The following SCAP variants were observed in gnomAD, a reference collection of about 807,000 sequenced individuals.
The protein encoded by SCAP is sterol regulatory element-binding protein cleavage-activating protein.
A neutral mutation model predicts 123.6 loss-of-function variants in SCAP; 65 were observed. The observed-to-expected ratio is 0.53, with a 90% CI of 0.43 to 0.65. The LOEUF (loss-of-function observed/expected upper bound fraction) is 0.65. Ranked by LOEUF, SCAP falls within the 30% of genes least tolerant of loss-of-function variation. The pLI, the probability that SCAP is intolerant of heterozygous loss-of-function variation, is 0.00. For missense variants in SCAP, 1,398 were observed against 1,712.5 expected, an observed-to-expected ratio of 0.82 and a Z score of 3.24; for synonymous variants, 740 against 726.3, an observed-to-expected ratio of 1.02 and a Z score of -0.30.
Position 47,420,602 on chromosome 3 carries a change from A to G in SCAP, c.1515T>C (p.Arg505=). 1 of 1,611,746 alleles carries G rather than the reference A, an allele frequency of 6.2e-7. No homozygotes were observed. Among genetic ancestry groups the G allele is most frequent in the Non-Finnish European group, 8.5e-7 (1 of 1,179,724 alleles). The part of the protein sequence containing the change: ...FRNLRLPKRL[R]VVYFLARTRL... Reference sequence around the variant, plus strand: ...GGGTGCGGGCCAGGAAGTAGACAACACGCAGCCTCTTGGGGAGCCGCAGGT... The same window carrying G: ...GGGTGCGGGCCAGGAAGTAGACAACGCGCAGCCTCTTGGGGAGCCGCAGGT... The change falls in exon 12 of 23, where the codon CGT becomes CGC. Residue 505 remains arginine (R), a synonymous_variant. Coordinates refer to ENST00000265565, the MANE Select transcript of SCAP (RefSeq NM_012235.4). This position sits in a 1 kb window ranked among gnomAD's most constrained non-coding sequence, Gnocchi z 5.0.
chr3:47,420,897 G>A lies in SCAP; in HGVS notation c.1344+34C>T, dbSNP rs1301184521. ...CTCCCTCAGTACAGCCAGGGCTGAG[G>A]AGGCGGGCAGGGCAGGGCTCAGCCC... On this transcript the variant is annotated intron_variant, in intron 11 of 22. Transcript: ENST00000265565. This position sits in a 1 kb window ranked among gnomAD's most constrained non-coding sequence, Gnocchi z 5.0. 8.7e-6 allele frequency: 14 copies of A among 1,600,770 alleles called. No homozygotes were observed. Among genetic ancestry groups the A allele is most frequent in the Admixed American group, 1.7e-5 (1 of 60,008 alleles).
chr3:47,418,971 G>T, intron 13 of SCAP, 128 bp from the exon 14 acceptor site: 5 of 1,042,786 alleles, frequency 4.8e-6, no homozygotes, highest in Non-Finnish European at 6.7e-6. Flanking sequence ...CTCCCAGCAT[G>T]GGGGGTTGGG....
intron 3 of SCAP, chr3:47,434,786 G>A (rs1464289877): frequency 2.0e-5 from 9 of 447,456 alleles, no homozygotes; most frequent in Middle Eastern, 6.3e-4. Context: ...GCAGTGAGCC[G>A]AGATTGTGCC....
chr3:47,435,119 G>C lies in SCAP; in HGVS notation c.141C>G (p.Leu47=), dbSNP rs775068085. The change falls in exon 3 of 23, where the codon CTC becomes CTG. Residue 47 remains leucine (L), a synonymous_variant. Transcript: ENST00000265565. The part of the protein sequence containing the change: ...ILACCYPLLK[L]PLPGTGPVEF... ...CCACAGGTCCTGTTCCTGGCAAGGG[G>C]AGTTTCAGCAGTGGGTAGCTGGGAT... is the stretch of plus-strand genomic sequence containing the variant. 26 of 1,613,852 alleles carry C rather than the reference G, an allele frequency of 1.6e-5. No individual in the cohort carries two copies. The highest frequency in any genetic ancestry group is 2.2e-5 in the Non-Finnish European group (26 of 1,179,920).
rs904154525 is a variant in SCAP at position 47,439,908 on chromosome 3, T to G, written c.122+2964A>C. On this transcript the variant is annotated intron_variant, in intron 2 of 22. Transcript: ENST00000265565. The surrounding 1 kb of genome is among the most constrained non-coding windows in gnomAD (Gnocchi z 4.0). Reference sequence around the variant, plus strand: ...GCTCAGAGAAGAAAGTCACACATCCTCAGTGCTGTTTGGGGTGAGCCTGAT... The same window carrying G: ...GCTCAGAGAAGAAAGTCACACATCCGCAGTGCTGTTTGGGGTGAGCCTGAT... Among the ~76,000 whole-genome samples, 2 of 152,164 alleles carry G rather than the reference T, an allele frequency of 1.3e-5. No individual in the cohort carries two copies. Among genetic ancestry groups the G allele is most frequent in the African/African-American group, 4.8e-5 (2 of 41,424 alleles).
chr3:47,425,591 A>G lies in SCAP; in HGVS notation c.931T>C (p.Ser311Pro). The G allele has an allele frequency of 6.2e-7, 1 of 1,614,072 alleles. No individual in the cohort carries two copies. The highest frequency in any genetic ancestry group is 8.5e-7 in the Non-Finnish European group (1 of 1,180,044). ...GCAGCCAGGGCCAGCCCCCACTTGG[A>G]CTTGACCATGTCGATCTTCCCTGGA... The part of the protein sequence containing the change: ...FSTRKIDMVK[S>P]KWGLALAAVV... Residue 311 changes from serine (S) to proline (P), a missense_variant, in exon 8 of 23, where the codon TCC (serine) becomes CCC (proline). By Grantham distance (74) the Ser-to-Pro change is moderately conservative. Around this residue, in one of 7 missense-constraint regions of SCAP, gnomAD observed 319 missense variants for 432.4 expected, o/e 0.74. Coordinates refer to ENST00000265565, the MANE Select transcript of SCAP (RefSeq NM_012235.4).
intron 1 of SCAP, among the ~76,000 whole-genome samples, chr3:47,462,388 C>T (rs539947950): frequency 5.9e-5 from 9 of 152,286 alleles, no homozygotes; most frequent in Non-Finnish European, 1.0e-4. Context: ...AGTAAAGGCA[C>T]ACGCAGTGAA....
intron 2 of SCAP, among the ~76,000 whole-genome samples, chr3:47,436,764 T>A (rs1465965473): frequency 1.3e-5 from 2 of 152,214 alleles, no homozygotes; most frequent in Non-Finnish European, 2.9e-5. Flanking sequence ...TGCAGTAAGT[T>A]TTTACATGTG....
intron 2 of SCAP, among the ~76,000 whole-genome samples, chr3:47,436,447 A>G (rs1706581789): frequency 6.6e-6 from 1 of 152,146 alleles, no homozygotes. Flanking sequence ...AGACTGAGCA[A>G]CACAGTGAAA....
At chr3:47,467,052 C>A (rs1229711055) in intron 1 of SCAP, among the ~76,000 whole-genome samples, 1 of 150,530 alleles carries the variant, frequency 6.6e-6, no homozygotes, top group Non-Finnish European at 1.5e-5. Flanking sequence ...AACACTGTAG[C>A]ACTGCACTCC....
At chr3:47,422,562 G>A (rs763555923) in intron 9 of SCAP, 26 bp from the exon 10 acceptor site, 38 of 1,578,706 alleles carry the variant, frequency 2.4e-5, no homozygotes, top group Non-Finnish European at 3.1e-5. Flanking sequence ...ACAGGGCACA[G>A]GGCAACACAT....
At chr3:47,414,792 C>A in intron 20 of SCAP, 35 bp downstream of exon 20, 1 of 1,597,444 alleles carries the variant, frequency 6.3e-7, no homozygotes, top group Non-Finnish European at 8.5e-7. Context: ...CCGTGCCGGG[C>A]CACTCCAGCA....
Position 47,414,864 on chromosome 3 carries a change from C to G in SCAP, c.3269G>C (p.Gly1090Ala), listed in dbSNP as rs1311609540. 2.5e-6 allele frequency: 4 copies of G among 1,611,404 alleles called. No homozygotes were observed. The South Asian group carries it at 4.4e-5, about 18-fold the overall frequency. Reference sequence around the variant, plus strand: ...GTCTTGGCTCCCAGTCACCAAGCGCCCAGCAGCGGCTTTCAGGGCTGTGAT... The same window carrying G: ...GTCTTGGCTCCCAGTCACCAAGCGCGCAGCAGCGGCTTTCAGGGCTGTGAT... ...KPITALKAAAGRLVTGSQDHT... is the reference protein window; with the variant it reads ...KPITALKAAAARLVTGSQDHT... Residue 1090 changes from glycine (G) to alanine (A), a missense_variant, in exon 20 of 23, where the codon GGG becomes GCG. Gly to Ala is a moderately conservative substitution (Grantham distance 60). Transcript: ENST00000265565.
intron 1 of SCAP, among the ~76,000 whole-genome samples, chr3:47,472,909 C>T (rs1315063674): frequency 2.0e-5 from 3 of 151,714 alleles, no homozygotes; most frequent in Non-Finnish European, 4.4e-5. Context: ...GGAGAAACCT[C>T]GCCTCTACTA....
chr3:47,442,815 A>G lies in SCAP; in HGVS notation c.122+57T>C. 9 of 1,538,324 alleles carry G rather than the reference A, an allele frequency of 5.9e-6. No homozygotes were observed. In the South Asian group the frequency reaches 1.0e-4, roughly 17 times the overall value. ...AGGGCTCCATAGTGGTTAGGGTTAG[A>G]AAACCTACTGTCCTAAGACACTGGC... On this transcript the variant is annotated intron_variant, in intron 2 of 22. Coordinates refer to ENST00000265565, the MANE Select transcript of SCAP (RefSeq NM_012235.4).
intron 1 of SCAP, among the ~76,000 whole-genome samples, chr3:47,475,015 C>A (rs1708212017): frequency 6.6e-6 from 1 of 152,172 alleles, no homozygotes; most frequent in Non-Finnish European, 1.5e-5. Context: ...AACATTAAAC[C>A]TTTTCTATGG....
chr3:47,440,329 G>T (rs763094476), intron 2 of SCAP, among the ~76,000 whole-genome samples: 1 of 152,148 alleles, frequency 6.6e-6, no homozygotes, highest in Non-Finnish European at 1.5e-5. Context: ...GCTTCAGTGG[G>T]TTGAAGACAA....
chr3:47,454,310 G>T (rs1707332656), intron 1 of SCAP, among the ~76,000 whole-genome samples: 2 of 151,874 alleles, frequency 1.3e-5, no homozygotes, highest in African/African-American at 4.8e-5. Flanking sequence ...GGAGCCTGCA[G>T]TGAGCAGAGA....
At chr3:47,432,071 T>C (rs971118674) in intron 3 of SCAP, among the ~76,000 whole-genome samples, 1 of 152,102 alleles carries the variant, frequency 6.6e-6, no homozygotes, top group African/African-American at 2.4e-5. Flanking sequence ...TCCCAGCACT[T>C]TGGGAGGCCG....
Sources: allele counts gnomAD v4.1 joint callset (sites outside exome capture counted in the v4.1 genomes callset), GRCh38; gene constraint gnomAD v4.1.1; regional missense constraint gnomAD v4.1.1; non-coding constraint Gnocchi (gnomAD v3.1); transcripts MANE v1.5; gene names NCBI Gene and HGNC (gene_info 2026-07-23, HGNC 2026-07-21).